The following PARN variants were observed in gnomAD, a reference collection of about 807,000 sequenced individuals.
The protein encoded by PARN is poly(A)-specific ribonuclease PARN.
PARN carries 71 observed loss-of-function variants against 102.8 expected under a neutral mutation model. The observed-to-expected ratio is 0.69, with a 90% CI of 0.57 to 0.84. The LOEUF is 0.84. Among genes scored for constraint, PARN ranks in the 40% least tolerant of loss-of-function variants. The pLI, the probability that PARN is intolerant of heterozygous loss-of-function variation, is 0.00. For missense variants in PARN, 782 were observed against 760.9 expected (o/e 1.03, Z -0.33); for synonymous variants, 261 against 252.9 (o/e 1.03, Z -0.30).
At chr16:14,503,130 C>A (rs1264641398) in intron 21 of PARN, among the ~76,000 whole-genome samples, 1 of 152,084 alleles carries the variant, frequency 6.6e-6, no homozygotes, top group South Asian at 2.1e-4. Context: ...TTGAGAAGAA[C>A]CTCCCCCCAC....
intron 22 of PARN, among the ~76,000 whole-genome samples, chr16:14,474,400 C>G (rs1962925850): frequency 6.6e-6 from 1 of 152,178 alleles, no homozygotes. Context: ...TGTTCCTAAA[C>G]TAAAAATTCC....
intron 18 of PARN, among the ~76,000 whole-genome samples, chr16:14,555,921 A>G (rs1223537275): frequency 6.6e-6 from 1 of 151,878 alleles, no homozygotes; most frequent in East Asian, 1.9e-4. Flanking sequence ...GCTGGCATGC[A>G]GTGGTGTGAT....
chr16:14,570,718 C>T (rs1968752488), intron 18 of PARN, among the ~76,000 whole-genome samples: 1 of 150,138 alleles, frequency 6.7e-6, no homozygotes, highest in Admixed American at 6.7e-5. Context: ...TGGCTCATGC[C>T]TGTAATCCCA....
At chr16:14,448,195 C>T (rs187707247) in intron 22 of PARN, among the ~76,000 whole-genome samples, 6 of 152,012 alleles carry the variant, frequency 3.9e-5, no homozygotes, top group African/African-American at 1.5e-4. Flanking sequence ...GTCCCCCAGG[C>T]TGGAGTGCAG....
At chr16:14,570,071 T>C (rs916031651) in intron 18 of PARN, among the ~76,000 whole-genome samples, 2 of 152,076 alleles carry the variant, frequency 1.3e-5, no homozygotes, top group African/African-American at 4.8e-5. Flanking sequence ...CCGGGTGCGG[T>C]GGCTCACGCC....
At chr16:14,442,772 T>G (rs1027743335) in intron 23 of PARN, among the ~76,000 whole-genome samples, 17 of 152,224 alleles carry the variant, frequency 1.1e-4, no homozygotes, top group Admixed American at 1.0e-3. Context: ...CATTCCCAGC[T>G]AATTTTTGTA....
At chr16:14,470,816 G>C (rs1426154979) in intron 22 of PARN, among the ~76,000 whole-genome samples, 1 of 151,160 alleles carries the variant, frequency 6.6e-6, no homozygotes, top group Non-Finnish European at 1.5e-5. Context: ...TGTTGCCCAG[G>C]GTCTTGCTCT....
intron 18 of PARN, among the ~76,000 whole-genome samples, chr16:14,569,550 G>A (rs759578604): frequency 6.6e-6 from 1 of 152,212 alleles, no homozygotes; most frequent in Admixed American, 6.5e-5. Flanking sequence ...TAGCTGAGAT[G>A]TTGCACAGAT....
intron 7 of PARN, 140 bp from the exon 8 acceptor site, chr16:14,609,263 A>C (rs1971373327): frequency 5.1e-6 from 3 of 583,046 alleles, no homozygotes; most frequent in Non-Finnish European, 9.0e-6. Flanking sequence ...TAGAAATTTT[A>C]GTTCAAAGAC....
intron 21 of PARN, among the ~76,000 whole-genome samples, chr16:14,525,420 G>C (rs986196523): frequency 1.3e-5 from 2 of 152,118 alleles, no homozygotes; most frequent in African/African-American, 4.8e-5. Flanking sequence ...GCAAGGCAGG[G>C]AACCCAATTA....
chr16:14,448,013 C>G (rs1030882642), intron 22 of PARN, among the ~76,000 whole-genome samples: 1 of 152,118 alleles, frequency 6.6e-6, no homozygotes, highest in African/African-American at 2.4e-5. Flanking sequence ...GAGACACAGT[C>G]TTGCTCTGTC....
rs577599334 is a variant in PARN at position 14,589,614 on chromosome 16, G to A, written c.919-3253C>T. 2.0e-5 allele frequency among the ~76,000 whole-genome samples: 3 copies of A among 151,246 alleles called. No homozygotes were observed. The South Asian group carries it at 6.3e-4, about 32-fold the overall frequency. The stretch of plus-strand genomic sequence containing the variant: ...GGCATAATGGCTCATGCCTGTAATC[G>A]CAACACTTTGGGAGGCCCAGGCAGG... On this transcript the variant is annotated intron_variant, in intron 13 of 23. Coordinates refer to ENST00000437198, the MANE Select transcript of PARN (RefSeq NM_002582.4).
intron 12 of PARN, among the ~76,000 whole-genome samples, chr16:14,599,070 G>A (rs1970722339): frequency 7.1e-6 from 1 of 139,904 alleles, no homozygotes; most frequent in South Asian, 2.3e-4. Context: ...TTGGAGACAG[G>A]GTCTGTCTGT....
intron 21 of PARN, among the ~76,000 whole-genome samples, chr16:14,515,598 T>C (rs545790095): frequency 7.1e-4 from 108 of 152,252 alleles, no homozygotes; most frequent in Middle Eastern, 3.4e-3. Flanking sequence ...AAGCTGTACC[T>C]AATATTTTGA....
chr16:14,555,751 TA>T, intron 18 of PARN, 42 bp from the exon 19 acceptor site: 1 of 1,027,838 alleles, frequency 9.7e-7, no homozygotes, highest in Non-Finnish European at 1.4e-6. Context: ...CAATTTCCTT[TA>T]AAAGACAGGC....
chr16:14,536,159 ATAT>A (rs1355953505), intron 21 of PARN, among the ~76,000 whole-genome samples: 2 of 152,214 alleles, frequency 1.3e-5, no homozygotes, highest in Non-Finnish European at 2.9e-5. Context: ...TTACAAAATA[ATAT>A]TATATTCTGG....
chr16:14,579,986 A>T (rs1156755904), intron 18 of PARN, among the ~76,000 whole-genome samples: 1 of 151,748 alleles, frequency 6.6e-6, no homozygotes, highest in Non-Finnish European at 1.5e-5. Flanking sequence ...CCATCTCAAA[A>T]AAAAAAAAAA....
intron 21 of PARN, among the ~76,000 whole-genome samples, chr16:14,490,613 C>T (rs775782477): frequency 1.3e-5 from 2 of 152,152 alleles, no homozygotes; most frequent in African/African-American, 2.4e-5. Flanking sequence ...ATGTCAAAGA[C>T]GCCCTCTCTG....
rs140873661 is a variant in PARN, at chr16:14,560,210, A to G, written c.1263-4501T>C. On this transcript the variant is annotated intron_variant, in intron 18 of 23. Transcript: ENST00000437198. Reference sequence around the variant, plus strand: ...TAGGCAAGCAGAAATGCTGATAAAGACATGAAAGGATGTTCCATCACTGTG... The same window carrying G: ...TAGGCAAGCAGAAATGCTGATAAAGGCATGAAAGGATGTTCCATCACTGTG... 4.5e-4 allele frequency among the ~76,000 whole-genome samples: 68 copies of G among 152,356 alleles called. No homozygotes were observed. The East Asian group carries it at 0.012, about 28-fold the overall frequency.
Sources: gnomAD v4.1 joint callset for allele counts (sites outside exome capture counted in the v4.1 genomes callset) on GRCh38, gnomAD v4.1.1 for gene constraint, MANE v1.5 for transcripts, NCBI Gene and HGNC (gene_info 2026-07-23, HGNC 2026-07-21) for gene names.